Variants in PLCE1 observed in about 807,000 individuals in gnomAD.
The protein encoded by PLCE1 is 1-phosphatidylinositol 4,5-bisphosphate phosphodiesterase epsilon-1.
A neutral mutation model predicts 242.8 loss-of-function variants in PLCE1; 119 were observed. The ratio of observed to expected loss-of-function variants is 0.49; its 90% confidence interval spans 0.42 to 0.57. PLCE1 has a LOEUF of 0.57. Ranked by LOEUF, PLCE1 falls within the 20% of genes least tolerant of loss-of-function variation. The probability of loss-of-function intolerance (pLI) is 0.00; values close to 1 mark genes in which losing one functional copy is unlikely to be tolerated. For missense variants in PLCE1, 2,441 were observed against 2,788.8 expected, an observed-to-expected ratio of 0.88 and a Z score of 2.81; for synonymous variants, 945 against 1,017.4, an observed-to-expected ratio of 0.93 and a Z score of 1.35.
intron 5 of PLCE1, among the ~76,000 whole-genome samples, chr10:94,229,753 A>G (rs1368995921): frequency 6.6e-6 from 1 of 152,236 alleles, no homozygotes; most frequent in East Asian, 1.9e-4. Context: ...ATCTCAAACC[A>G]GGACAGACCT....
chr10:94,187,105 A>G (rs1230610152), intron 4 of PLCE1, among the ~76,000 whole-genome samples: 1 of 151,914 alleles, frequency 6.6e-6, no homozygotes, highest in Non-Finnish European at 1.5e-5. Flanking sequence ...TTTGCCCAAT[A>G]TCACATAGGT....
intron 4 of PLCE1, among the ~76,000 whole-genome samples, chr10:94,183,638 A>G (rs553185094): frequency 1.2e-4 from 18 of 152,320 alleles, no homozygotes; most frequent in Non-Finnish European, 2.9e-5. Flanking sequence ...GCATTGCTAT[A>G]GAGAGATACC....
intron 2 of PLCE1, chr10:94,108,346 C>T (rs1010933649): frequency 2.0e-5 from 3 of 152,174 alleles, no homozygotes; most frequent in South Asian, 2.1e-4. Flanking sequence ...GTGCTGTCAC[C>T]GAGCTACTTA....
At chr10:94,136,004 T>C (rs2046759298) in intron 3 of PLCE1, among the ~76,000 whole-genome samples, 1 of 152,088 alleles carries the variant, frequency 6.6e-6, no homozygotes, top group Non-Finnish European at 1.5e-5. Context: ...TGGAAGGAGG[T>C]AGCACAAGAT....
At chr10:94,253,871 T>C (rs2050970550) in intron 9 of PLCE1, among the ~76,000 whole-genome samples, 2 of 152,218 alleles carry the variant, frequency 1.3e-5, no homozygotes, top group African/African-American at 4.8e-5. Flanking sequence ...AGTGCCACTC[T>C]CTTTGCTTAT....
At chr10:94,195,671 A>G (rs973222235) in intron 4 of PLCE1, among the ~76,000 whole-genome samples, 1 of 152,296 alleles carries the variant, frequency 6.6e-6, no homozygotes, top group African/African-American at 2.4e-5. Context: ...TAAGAAAGCA[A>G]TACATACCCA....
At chr10:94,324,800 G>A in intron 31 of PLCE1, 92 bp from the exon 32 acceptor site, 2 of 1,303,198 alleles carry the variant, frequency 1.5e-6, no homozygotes, top group Middle Eastern at 1.8e-4. Context: ...AAGCTCTAGA[G>A]AGAAGAGGAA....
At chr10:94,097,187 G>A (rs771089325) in intron 2 of PLCE1, among the ~76,000 whole-genome samples, 1 of 152,150 alleles carries the variant, frequency 6.6e-6, no homozygotes, top group Non-Finnish European at 1.5e-5. Flanking sequence ...TACACTGTGT[G>A]TATGGGAGAA....
chr10:94,095,663 G>T (rs1254474251), intron 2 of PLCE1, among the ~76,000 whole-genome samples: 2 of 152,298 alleles, frequency 1.3e-5, no homozygotes, highest in South Asian at 2.1e-4. Context: ...GGCACTAAAA[G>T]GTAGGGGAAA....
chr10:94,076,189 A>G (rs927720), intron 2 of PLCE1, among the ~76,000 whole-genome samples: 142,368 of 152,146 alleles, frequency 0.94, 66,672 homozygotes, highest in South Asian at 0.97. Context: ...CGGTAGCTCT[A>G]GAGAGCCTCA....
At chr10:94,311,067 T>C (rs192358058) in intron 27 of PLCE1, among the ~76,000 whole-genome samples, 1 of 152,290 alleles carries the variant, frequency 6.6e-6, no homozygotes, top group African/African-American at 2.4e-5. Context: ...AGCAGCCTCA[T>C]GGAAGGATGC....
chr10:94,300,511 T>C (rs1381359932), intron 24 of PLCE1, among the ~76,000 whole-genome samples: 1 of 152,186 alleles, frequency 6.6e-6, no homozygotes, highest in Non-Finnish European at 1.5e-5. Context: ...ATTAAACATC[T>C]CCCCATGTTG....
intron 2 of PLCE1, among the ~76,000 whole-genome samples, chr10:94,127,723 G>A (rs1034218601): frequency 2.0e-5 from 3 of 152,108 alleles, no homozygotes; most frequent in Non-Finnish European, 4.4e-5. Flanking sequence ...ATTTATCAAA[G>A]CTTGTAATTC....
intron 23 of PLCE1, among the ~76,000 whole-genome samples, chr10:94,296,894 G>GAT: frequency 6.7e-6 from 1 of 149,528 alleles, no homozygotes; most frequent in East Asian, 2.0e-4. Context: ...TTTTTTTTGA[G>GAT]GCAGAGTCTC....
chr10:94,046,392 C>T (rs1470976357), intron 2 of PLCE1, among the ~76,000 whole-genome samples: 1 of 152,180 alleles, frequency 6.6e-6, no homozygotes, highest in Non-Finnish European at 1.5e-5. Context: ...CAGGAAGAGC[C>T]AGTATGGTCT....
intron 1 of PLCE1, among the ~76,000 whole-genome samples, chr10:94,008,191 C>CA (rs745999207): frequency 0.31 from 17,002 of 54,628 alleles, 2,674 homozygotes; most frequent in East Asian, 0.49. Flanking sequence ...GACCTTGTCT[C>CA]AAAAAAAAAA....
At chr10:94,018,057 A>T (rs927352025) in intron 1 of PLCE1, among the ~76,000 whole-genome samples, 4 of 152,192 alleles carry the variant, frequency 2.6e-5, no homozygotes, top group African/African-American at 9.7e-5. Context: ...TTTGAAGACA[A>T]TTACCTTAAT....
Position 94,324,379 on chromosome 10 carries a change from A to C in PLCE1, c.6532A>C (p.Ile2178Leu). ...ATGCAAAGCCAAATATTCCTACAGC[A>C]TCCTGAGCAACCCCAATCCAAGCGA... Reference protein sequence around the residue: ...TLCKAKYSYSILSNPNPSDYV... With the variant: ...TLCKAKYSYSLLSNPNPSDYV... The change falls in exon 31 of 33, where the codon ATC (isoleucine) becomes CTC (leucine). Residue 2178 changes from isoleucine to leucine, a missense_variant. Physicochemically the swap from Ile to Leu is conservative, Grantham distance 5 (BLOSUM62 2). Coordinates refer to ENST00000371380, the MANE Select transcript of PLCE1 (RefSeq NM_016341.4). The C allele has an allele frequency of 6.2e-7, 1 of 1,614,180 alleles. No homozygotes were observed. The highest frequency in any genetic ancestry group is 8.5e-7 in the Non-Finnish European group (1 of 1,180,018).
At chr10:94,095,320 A>ATTTCTTTC (rs200671940) in intron 2 of PLCE1, among the ~76,000 whole-genome samples, 4 of 117,530 alleles carry the variant, frequency 3.4e-5, no homozygotes, top group African/African-American at 1.2e-4. Context: ...GGGCCTTTCA[A>ATTTCTTTC]TTTCTTTCTT....
Sources: allele counts gnomAD v4.1 joint callset (sites outside exome capture counted in the v4.1 genomes callset), GRCh38; gene constraint gnomAD v4.1.1; transcripts MANE v1.5; gene names NCBI Gene and HGNC (gene_info 2026-07-23, HGNC 2026-07-21).